ENPP6: variants seen among roughly 807,000 people sequenced by gnomAD.
ENPP6 encodes glycerophosphocholine cholinephosphodiesterase ENPP6.
A neutral mutation model predicts 42.0 loss-of-function variants in ENPP6; 32 were observed. That is an observed-to-expected ratio of 0.76 (90% CI 0.58 to 1.02). ENPP6 has a LOEUF of 1.02. Ranked by LOEUF, ENPP6 falls within the 50% of genes least tolerant of loss-of-function variation. The probability of loss-of-function intolerance (pLI) is 0.00; values close to 1 mark genes in which losing one functional copy is unlikely to be tolerated. For synonymous variants in ENPP6, 213 were observed against 216.0 expected (o/e 0.99, Z 0.12); for missense variants, 552 against 566.8 (o/e 0.97, Z 0.27).
chr4:184,159,320 T>A (rs1737225570), intron 1 of ENPP6, among the ~76,000 whole-genome samples: 1 of 152,332 alleles, frequency 6.6e-6, no homozygotes, highest in African/African-American at 2.4e-5. Context: ...TAGTAATGCA[T>A]TAGAAGTTGA....
chr4:184,108,518 G>A (rs1233462937), intron 6 of ENPP6, among the ~76,000 whole-genome samples: 1 of 152,200 alleles, frequency 6.6e-6, no homozygotes, highest in Non-Finnish European at 1.5e-5. Flanking sequence ...ACAATCGAAC[G>A]ATGTCAAAGG....
At chr4:184,195,645 T>C (rs1202935237) in intron 1 of ENPP6, among the ~76,000 whole-genome samples, 1 of 152,232 alleles carries the variant, frequency 6.6e-6, no homozygotes, top group Non-Finnish European at 1.5e-5. Context: ...TCTCTGTGAA[T>C]TTGACCACTC....
intron 2 of ENPP6, among the ~76,000 whole-genome samples, chr4:184,152,272 C>G (rs1401539398): frequency 6.6e-6 from 1 of 152,136 alleles, no homozygotes; most frequent in East Asian, 1.9e-4. Context: ...GCCTGGAGTG[C>G]CCCAGCAGCT....
chr4:184,191,622 T>C (rs969453940), intron 1 of ENPP6, among the ~76,000 whole-genome samples: 9 of 152,184 alleles, frequency 5.9e-5, no homozygotes, highest in African/African-American at 9.7e-5. Context: ...ACTTAACTTC[T>C]CTAGATGAAA....
At position 184,091,101 on chromosome 4, in the gene ENPP6, A is replaced by G; in HGVS notation, c.*76T>C. 7.2e-7 allele frequency: 1 copy of G among 1,383,628 alleles called. No homozygotes were observed. Among genetic ancestry groups the G allele is most frequent in the Non-Finnish European group, 9.7e-7 (1 of 1,030,616 alleles). The allele number at this position is 1,383,628 out of a possible 1,614,324, so 85.7% of individuals were successfully genotyped here. On this transcript the variant is annotated 3_prime_UTR_variant, in exon 8 of 8. Transcript: ENST00000296741. ...GTGTTAATGAAGCTATTATTCACAC[A>G]TAAAATGAAAATCATCTGGCTTTGG...
At chr4:184,175,746 G>T (rs1036418988) in intron 1 of ENPP6, among the ~76,000 whole-genome samples, 1 of 152,158 alleles carries the variant, frequency 6.6e-6, no homozygotes, top group Non-Finnish European at 1.5e-5. Flanking sequence ...TACCCCAAAG[G>T]TAGAGGGAAA....
At chr4:184,122,007 A>C (rs533570562) in intron 3 of ENPP6, among the ~76,000 whole-genome samples, 13 of 152,186 alleles carry the variant, frequency 8.5e-5, no homozygotes, top group African/African-American at 2.6e-4. Context: ...CCAGCCTATT[A>C]TTATTCTTTT....
In ENPP6 at chr4:184,090,960, G is replaced by A; in HGVS notation, c.*217C>T. ...TGACATATAACTGCACAAATGGAAAGCTAGGATTTTCCTACCTTCTGGAAA... is the reference window on the plus strand; with the variant it reads ...TGACATATAACTGCACAAATGGAAAACTAGGATTTTCCTACCTTCTGGAAA... On this transcript the variant is annotated 3_prime_UTR_variant, in exon 8 of 8. Coordinates refer to ENST00000296741, the MANE Select transcript of ENPP6 (RefSeq NM_153343.4). The A allele has an allele frequency of 2.1e-6, 1 of 476,116 alleles. No individual in the cohort carries two copies. The highest frequency in any genetic ancestry group is 3.6e-6 in the Non-Finnish European group (1 of 277,806). 29.5% of individuals were successfully genotyped at this position (476,116 alleles called of 1,614,324 possible).
chr4:184,095,867 G>A (rs2111327946), intron 7 of ENPP6, among the ~76,000 whole-genome samples: 1 of 152,202 alleles, frequency 6.6e-6, no homozygotes, highest in Middle Eastern at 3.4e-3. Flanking sequence ...ATGTAATCCA[G>A]TAGTTACCCT....
chr4:184,117,310 C>G (rs1291340523), intron 4 of ENPP6, among the ~76,000 whole-genome samples: 2 of 152,210 alleles, frequency 1.3e-5, no homozygotes, highest in Non-Finnish European at 2.9e-5. Flanking sequence ...CTGGCTCTTT[C>G]AACAAATTTG....
chr4:184,199,495 C>G (rs1332439941), intron 1 of ENPP6, among the ~76,000 whole-genome samples: 1 of 152,228 alleles, frequency 6.6e-6, no homozygotes, highest in Non-Finnish European at 1.5e-5. Flanking sequence ...AAAGCCAAAT[C>G]CTTAGACACA....
chr4:184,109,242 A>C (rs1159498611), intron 6 of ENPP6, among the ~76,000 whole-genome samples: 1 of 100,558 alleles, frequency 9.9e-6, no homozygotes, highest in Admixed American at 9.8e-5. Context: ...ACAAAAAAAA[A>C]CAAAACAAAC....
chr4:184,117,138 G>T, intron 4 of ENPP6, 103 bp from the exon 5 acceptor site: 2 of 1,364,014 alleles, frequency 1.5e-6, no homozygotes, highest in Middle Eastern at 2.2e-4. Flanking sequence ...TATCTCCTCA[G>T]TTCTGTGTTT....
At chr4:184,182,991 C>T (rs1732580240) in intron 1 of ENPP6, among the ~76,000 whole-genome samples, 1 of 152,188 alleles carries the variant, frequency 6.6e-6, no homozygotes, top group African/African-American at 2.4e-5. Flanking sequence ...GCACATCCTG[C>T]ACAAGTACCC....
chr4:184,175,751 G>A (rs1251595658), intron 1 of ENPP6, among the ~76,000 whole-genome samples: 1 of 152,158 alleles, frequency 6.6e-6, no homozygotes, highest in Non-Finnish European at 1.5e-5. Flanking sequence ...CAAAGGTAGA[G>A]GGAAACAGCA....
At chr4:184,117,280 G>A (rs1736336331) in intron 4 of ENPP6, among the ~76,000 whole-genome samples, 1 of 152,178 alleles carries the variant, frequency 6.6e-6, no homozygotes, top group South Asian at 2.1e-4. Flanking sequence ...GCTTTTTAAG[G>A]TCGACGCTCT....
chr4:184,147,037 G>A (rs532755218), intron 2 of ENPP6, among the ~76,000 whole-genome samples: 1 of 152,230 alleles, frequency 6.6e-6, no homozygotes, highest in Admixed American at 6.5e-5. Context: ...TCTTCTCTGA[G>A]CTTCAGACCT....
chr4:184,152,174 G>A (rs62340150), intron 2 of ENPP6, among the ~76,000 whole-genome samples: 69,693 of 151,652 alleles, frequency 0.46, 16,227 homozygotes, highest in Admixed American at 0.51. Context: ...CTTGTACGGT[G>A]CGCGCCACGC....
chr4:184,131,796 A>AACACACAC (rs140275578), intron 2 of ENPP6, among the ~76,000 whole-genome samples: 5,571 of 140,444 alleles, frequency 0.04, 188 homozygotes, highest in African/African-American at 0.091. Flanking sequence ...GGACCAATAG[A>AACACACAC]ACACACACAC....
Sources: allele counts gnomAD v4.1 joint callset (sites outside exome capture counted in the v4.1 genomes callset), GRCh38; gene constraint gnomAD v4.1.1; transcripts MANE v1.5; gene names NCBI Gene and HGNC (gene_info 2026-07-23, HGNC 2026-07-21).